Variants in SEMA3A observed in about 807,000 individuals in gnomAD.
SEMA3A encodes semaphorin 3A, also known as semaphorin-3A.
SEMA3A carries 29 observed loss-of-function variants against 97.9 expected under a neutral mutation model. The observed-to-expected ratio is 0.30, with a 90% CI of 0.22 to 0.40. The LOEUF (loss-of-function observed/expected upper bound fraction) is 0.40. SEMA3A is among the 10% of genes least tolerant of loss of function. The probability of loss-of-function intolerance (pLI) is 1.00; values close to 1 mark genes in which losing one functional copy is unlikely to be tolerated. For missense variants in SEMA3A, 763 were observed against 951.3 expected (o/e 0.80, Z 2.60); for synonymous variants, 321 against 323.7 (o/e 0.99, Z 0.09).
chr7:84,047,871 T>C (rs1792415326), intron 5 of SEMA3A, among the ~76,000 whole-genome samples: 1 of 152,018 alleles, frequency 6.6e-6, no homozygotes, highest in Non-Finnish European at 1.5e-5. Context: ...TTTATATTCA[T>C]AGTGGCCCAC....
At chr7:84,012,441 C>G (rs1200643039) in intron 7 of SEMA3A, among the ~76,000 whole-genome samples, 1 of 152,156 alleles carries the variant, frequency 6.6e-6, no homozygotes, top group Non-Finnish European at 1.5e-5. Context: ...ATAATGCTCT[C>G]TCTCCTACCT....
intron 9 of SEMA3A, among the ~76,000 whole-genome samples, chr7:84,008,284 GATCGAGACCATCCTGGCTAAC>G: frequency 6.6e-6 from 1 of 152,258 alleles, no homozygotes. Context: ...AAGGTCAAGA[GATCGAGACCATCCTGGCTAAC>G]ACGGTGAAAC....
chr7:84,368,820 C>CT, intron 2 of SEMA3A, among the ~76,000 whole-genome samples: 1 of 150,648 alleles, frequency 6.6e-6, no homozygotes, highest in South Asian at 2.1e-4. Flanking sequence ...CTATATATAT[C>CT]TAGCATAAAT....
At chr7:83,998,292 G>C (rs557119017) in intron 12 of SEMA3A, among the ~76,000 whole-genome samples, 1 of 152,232 alleles carries the variant, frequency 6.6e-6, no homozygotes, top group Admixed American at 6.5e-5. Flanking sequence ...ATACGAACCT[G>C]TATAGCATGC....
At position 84,357,246 on chromosome 7, in the gene SEMA3A, A is replaced by G. The variant is rs530512030; in HGVS notation, c.-169+14578T>C. 2.6e-5 allele frequency among the ~76,000 whole-genome samples: 4 copies of G among 151,930 alleles called. No homozygotes were observed. The East Asian group carries it at 7.8e-4, about 30-fold the overall frequency. ...CTGCACCCATTAACTTGTCATTTAC[A>G]TTAGGTATATCTCCTAATGCTATGC... On this transcript the variant is annotated intron_variant, in intron 2 of 3. Coordinates refer to the SEMA3A transcript ENST00000424555.
intron 1 of SEMA3A, among the ~76,000 whole-genome samples, chr7:84,429,516 T>TTTTATATATATA (rs1554385260): frequency 0.023 from 1,630 of 72,336 alleles, 83 homozygotes; most frequent in Middle Eastern, 0.031. Flanking sequence ...ATAGAGTTTG[T>TTTTATATATATA]TATATATATA....
intron 3 of SEMA3A, among the ~76,000 whole-genome samples, chr7:84,300,032 C>CAAAAAAAAAAAAAAAAA (rs58929555): frequency 3.8e-5 from 2 of 53,310 alleles, no homozygotes; most frequent in Non-Finnish European, 7.7e-5. Context: ...GACTCAGTCA[C>CAAAAAAAAAAAAAAAAA]AAAAAAAAAA....
intron 2 of SEMA3A, among the ~76,000 whole-genome samples, chr7:84,326,311 T>A (rs1414988537): frequency 1.3e-5 from 2 of 152,142 alleles, no homozygotes; most frequent in South Asian, 2.1e-4. Flanking sequence ...CTAAATTGAT[T>A]AATTCTATAG....
chr7:84,415,677 T>G (rs914347974), intron 1 of SEMA3A, among the ~76,000 whole-genome samples: 14 of 152,196 alleles, frequency 9.2e-5, no homozygotes, highest in Non-Finnish European at 5.9e-5. Context: ...TTTAAATTAA[T>G]CATTTGAGGA....
chr7:84,044,876 A>G (rs540698918), intron 6 of SEMA3A, among the ~76,000 whole-genome samples: 2 of 152,192 alleles, frequency 1.3e-5, no homozygotes, highest in South Asian at 4.1e-4. Flanking sequence ...AAATTAACCA[A>G]AGAACATCAA....
intron 1 of SEMA3A, among the ~76,000 whole-genome samples, chr7:84,463,721 T>C (rs936045037): frequency 4.6e-5 from 7 of 152,152 alleles, no homozygotes; most frequent in Non-Finnish European, 8.8e-5. Context: ...CCTGTTCAAC[T>C]TCTGAGAATC....
intron 1 of SEMA3A, 75 bp downstream of exon 1, chr7:84,194,400 G>T: frequency 2.2e-6 from 2 of 901,216 alleles, no homozygotes; most frequent in South Asian, 2.9e-5. Context: ...ATTTGGGGTT[G>T]GGAGGGAGTT....
intron 2 of SEMA3A, among the ~76,000 whole-genome samples, chr7:84,340,001 G>A (rs1802124234): frequency 6.6e-6 from 1 of 151,856 alleles, no homozygotes; most frequent in Non-Finnish European, 1.5e-5. Context: ...AGTCAGGGAG[G>A]ATTAAAAAAC....
At chr7:84,318,565 G>T (rs1273867802) in intron 2 of SEMA3A, among the ~76,000 whole-genome samples, 1 of 151,928 alleles carries the variant, frequency 6.6e-6, no homozygotes, top group South Asian at 2.1e-4. Context: ...CTCGTGATCT[G>T]CCCGCCTCGG....
At chr7:84,434,489 G>A (rs1443636534) in intron 1 of SEMA3A, among the ~76,000 whole-genome samples, 3 of 151,956 alleles carry the variant, frequency 2.0e-5, no homozygotes, top group Non-Finnish European at 4.4e-5. Context: ...TGAGAAGGAG[G>A]GACTCCTCCC....
At chr7:84,110,301 T>C (rs1405156711) in intron 4 of SEMA3A, among the ~76,000 whole-genome samples, 169 bp downstream of exon 4, 1 of 152,204 alleles carries the variant, frequency 6.6e-6, no homozygotes, top group Non-Finnish European at 1.5e-5. Flanking sequence ...TGAGTAATGT[T>C]CTCATTCTTT....
intron 16 of SEMA3A, 23 bp from the exon 17 acceptor site, chr7:83,961,849 G>A (rs1788486142): frequency 1.9e-6 from 3 of 1,560,760 alleles, no homozygotes; most frequent in African/African-American, 1.4e-5. Context: ...AAAAAAGGCA[G>A]TGTAAAATAT....
rs768140202 is a variant in SEMA3A at position 84,410,913 on chromosome 7, C to T, written c.-245-39013G>A. On this transcript the variant is annotated intron_variant, in intron 1 of 3. Transcript: ENST00000424555. ...AACTAGCTTTATACTGACACAGTGA[C>T]AACTATTAGATAGAACTTACTTCAG... 1.2e-4 allele frequency among the ~76,000 whole-genome samples: 19 copies of T among 152,208 alleles called. No individual in the cohort carries two copies. In the South Asian group the frequency reaches 2.7e-3, roughly 22 times the overall value.
intron 1 of SEMA3A, among the ~76,000 whole-genome samples, chr7:84,156,555 A>T (rs1796850245): frequency 6.6e-6 from 1 of 152,108 alleles, no homozygotes; most frequent in Non-Finnish European, 1.5e-5. Context: ...CACTGACTGG[A>T]TTCTGTATGA....
Sources: allele counts gnomAD v4.1 joint callset (sites outside exome capture counted in the v4.1 genomes callset), GRCh38; gene constraint gnomAD v4.1.1; transcripts MANE v1.5; gene names NCBI Gene and HGNC (gene_info 2026-07-23, HGNC 2026-07-21).